Variants in BBS2 observed in about 807,000 individuals in gnomAD.
BBS2 encodes the protein BBSome complex member BBS2.
Under a neutral mutation model 83.0 loss-of-function variants are expected in BBS2, and 62 were observed. That is an observed-to-expected ratio of 0.75 (90% CI 0.61 to 0.92). The LOEUF (loss-of-function observed/expected upper bound fraction) is 0.92, where lower values mean the gene tolerates loss of function less well. BBS2 is among the 40% of genes least tolerant of loss of function. The pLI is 0.00. For synonymous variants in BBS2, 303 were observed against 326.1 expected, an observed-to-expected ratio of 0.93 and a Z score of 0.76; for missense variants, 784 against 901.0, an observed-to-expected ratio of 0.87 and a Z score of 1.66.
At chr16:56,495,731 ATGGCATTGTGATTT>A (rs1964095682) in intron 15 of BBS2, among the ~76,000 whole-genome samples, 1 of 151,762 alleles carries the variant, frequency 6.6e-6, no homozygotes, top group Non-Finnish European at 1.5e-5. Flanking sequence ...TAAGTGTGAT[ATGGCATTGTGATTT>A]TTATACAGAC....
In BBS2 at chr16:56,519,967, C is replaced by A. The variant is rs540090407; in HGVS notation, c.-105G>T. On this transcript the variant is annotated 5_prime_UTR_variant, in exon 1 of 17. Transcript: ENST00000245157. ...GTGCAGGGACACTACCTGCGCGGCC[C>A]CAGCCGCCTCAGGCCGGACGCGAAA... 3 of 1,001,228 alleles carry A rather than the reference C, an allele frequency of 3.0e-6. No homozygotes were observed. The highest frequency in any genetic ancestry group is 4.6e-6 in the Non-Finnish European group (3 of 645,672). The allele number at this position is 1,001,228 out of a possible 1,614,324, so 62.0% of individuals were successfully genotyped here. A position where few individuals can be genotyped will look rare whatever the true frequency, so the allele number is the denominator to read the frequency against.
chr16:56,515,853 T>TCA (rs1464838968), intron 1 of BBS2, among the ~76,000 whole-genome samples: 1 of 152,028 alleles, frequency 6.6e-6, no homozygotes, highest in African/African-American at 2.4e-5. Flanking sequence ...GTCGGAAGAG[T>TCA]TAAGGCCCTT....
Position 56,499,792 on chromosome 16 carries a change from C to G in BBS2, c.1513G>C (p.Glu505Gln). Residue 505 changes from glutamate to glutamine, a missense_variant, in exon 12 of 17, where the codon GAA becomes CAA. By Grantham distance (29) the Glu-to-Gln change is conservative. Coordinates refer to ENST00000245157, the MANE Select transcript of BBS2 (RefSeq NM_031885.5). The stretch of plus-strand genomic sequence containing the variant: ...GAGATACTCACCCTCTGTGCCCGTT[C>G]TGCAATGGTAAAGTTAACATAACTG... ...PISYVNFTIA[E>Q]RAQRVVVWLG... The G allele has an allele frequency of 1.2e-6, 2 of 1,614,176 alleles. No individual in the cohort carries two copies. Among genetic ancestry groups the G allele is most frequent in the Non-Finnish European group, 1.7e-6 (2 of 1,180,016 alleles).
At chr16:56,470,883 T>C in intron 17 of BBS2, 1 of 1,296,834 alleles carries the variant, frequency 7.7e-7, no homozygotes, top group East Asian at 2.5e-5. Flanking sequence ...GAGCATCTAC[T>C]GTGCCCTAAG....
chr16:56,489,432 A>G (rs575064853), intron 15 of BBS2, among the ~76,000 whole-genome samples: 1 of 152,190 alleles, frequency 6.6e-6, no homozygotes, highest in South Asian at 2.1e-4. Context: ...AATAGATTCA[A>G]CTGTGTACAG....
In BBS2 at chr16:56,519,932, C is replaced by CA; in HGVS notation, c.-71_-70insT. On this transcript the variant is annotated 5_prime_UTR_variant, in exon 1 of 17. Coordinates refer to ENST00000245157, the MANE Select transcript of BBS2 (RefSeq NM_031885.5). ...CGCAGCGGAGCTGGCCTCACGCGCC[C>CA]GGGCAAGAAGTGCAGGGACACTACC... is the stretch of plus-strand genomic sequence containing the variant. 7.2e-7 allele frequency: 1 copy of CA among 1,392,660 alleles called. No individual in the cohort carries two copies. The highest frequency in any genetic ancestry group is 1.0e-6 in the Non-Finnish European group (1 of 985,238). 86.3% of individuals were successfully genotyped at this position (1,392,660 alleles called of 1,614,324 possible).
rs1419458756 is a variant in BBS2 at position 56,484,814 on chromosome 16, T to C, written c.2113A>G (p.Asn705Asp). ...ATTTTGAACAGTGTGTTGATGTTAT[T>C]GCTTCGAATTGCATCCCGACAAGCA... is the stretch of plus-strand genomic sequence containing the variant. ...ITACRDAIRS[N>D]NINTLFKIMR... Residue 705 changes from asparagine to aspartate, a missense_variant, in exon 17 of 17, where the codon AAT becomes GAT. Physicochemically the swap from Asn to Asp is conservative, Grantham distance 23. Transcript: ENST00000245157. 1 of 1,614,124 alleles carries C rather than the reference T, an allele frequency of 6.2e-7. No individual in the cohort carries two copies. Among genetic ancestry groups the C allele is most frequent in the Non-Finnish European group, 8.5e-7 (1 of 1,179,964 alleles).
intron 12 of BBS2, 138 bp from the exon 13 acceptor site, chr16:56,498,706 GAAAA>G (rs754931581): frequency 3.5e-6 from 4 of 1,132,612 alleles, no homozygotes; most frequent in African/African-American, 3.4e-5. Flanking sequence ...GCTTTGTTGA[GAAAA>G]AAAAAAAAGA....
At chr16:56,485,502 T>C in intron 16 of BBS2, 88 bp downstream of exon 16, 1 of 1,529,934 alleles carries the variant, frequency 6.5e-7, no homozygotes, top group Non-Finnish European at 9.1e-7. Context: ...TCAGCCCCAA[T>C]ATGAATTATT....
downstream of BBS2, among the ~76,000 whole-genome samples, chr16:56,480,178 GGTCCACATCTTTAATTTTAAA>G (rs1177587736): frequency 1.6e-4 from 25 of 151,922 alleles, no homozygotes; most frequent in Non-Finnish European, 2.5e-4. Context: ...TTTAAAATTA[GGTCCACATCTTTAATTTTAAA>G]GTCCACATCT....
At chr16:56,471,626 AC>A (rs1963190141) in intron 17 of BBS2, among the ~76,000 whole-genome samples, 2 of 152,338 alleles carry the variant, frequency 1.3e-5, no homozygotes, top group South Asian at 4.1e-4. Context: ...TTTCTTGAGA[AC>A]CCTGTGCAGT....
intron 11 of BBS2, 97 bp from the exon 12 acceptor site, chr16:56,500,004 T>C: frequency 5.4e-6 from 8 of 1,473,474 alleles, no homozygotes; most frequent in Non-Finnish European, 7.6e-6. Context: ...GGGTCATCAA[T>C]TGATATTTAA....
intron 15 of BBS2, among the ~76,000 whole-genome samples, chr16:56,487,947 C>T (rs957561202): frequency 1.3e-5 from 2 of 152,090 alleles, no homozygotes; most frequent in Non-Finnish European, 1.5e-5. Flanking sequence ...TACTGTTTAA[C>T]GGGTACAGAG....
At chr16:56,493,899 A>ATGTTGTGTC (rs1255552371) in intron 15 of BBS2, among the ~76,000 whole-genome samples, 1 of 152,174 alleles carries the variant, frequency 6.6e-6, no homozygotes, top group Non-Finnish European at 1.5e-5. Context: ...ATATTCTTAA[A>ATGTTGTGTC]TGTTGTGTCT....
intron 2 of BBS2, among the ~76,000 whole-genome samples, chr16:56,512,970 T>C (rs965224203): frequency 1.2e-4 from 18 of 152,164 alleles, no homozygotes; most frequent in African/African-American, 2.7e-4. Flanking sequence ...CTGGCCAACA[T>C]AGTGAGACCC....
chr16:56,509,889 G>A, intron 5 of BBS2, 68 bp downstream of exon 5: 1 of 1,539,914 alleles, frequency 6.5e-7, no homozygotes, highest in African/African-American at 1.4e-5. Flanking sequence ...ACTCTCACTT[G>A]ATGTTTCATC....
intron 16 of BBS2, among the ~76,000 whole-genome samples, 158 bp from the exon 17 acceptor site, chr16:56,485,025 A>C (rs1437728567): frequency 6.6e-6 from 1 of 152,220 alleles, no homozygotes; most frequent in African/African-American, 2.4e-5. Context: ...TTGGTGAGGG[A>C]ATTATTGAAA....
intron 17 of BBS2, chr16:56,476,161 A>G (rs148286989): frequency 4.3e-6 from 7 of 1,613,264 alleles, no homozygotes; most frequent in Non-Finnish European, 5.9e-6. Flanking sequence ...AACCTTCCCA[A>G]ACAGAACAGG....
At chr16:56,507,162 G>C (rs1964442032) in intron 5 of BBS2, among the ~76,000 whole-genome samples, 1 of 152,112 alleles carries the variant, frequency 6.6e-6, no homozygotes, top group Non-Finnish European at 1.5e-5. Flanking sequence ...TCATGATTTT[G>C]CTGATCTGGG....
Sources: allele counts gnomAD v4.1 joint callset (sites outside exome capture counted in the v4.1 genomes callset), GRCh38; gene constraint gnomAD v4.1.1; transcripts MANE v1.5; gene names NCBI Gene and HGNC (gene_info 2026-07-23, HGNC 2026-07-21).